FBXW11: variants seen among roughly 807,000 people sequenced by gnomAD.
FBXW11 encodes F-box/WD repeat-containing protein 11.
In FBXW11, 19 loss-of-function variants were observed where a neutral mutation model predicts 77.6. The ratio of observed to expected loss-of-function variants is 0.24; its 90% CI spans 0.17 to 0.36. The LOEUF is 0.36. FBXW11 is among the 10% of genes least tolerant of loss of function. FBXW11 has a pLI of 1.00. For missense variants in FBXW11, 334 were observed against 704.2 expected (o/e 0.47, Z 5.95); for synonymous variants, 235 against 249.4 (o/e 0.94, Z 0.54).
intron 1 of FBXW11, among the ~76,000 whole-genome samples, chr5:171,959,431 C>T (rs1025872841): frequency 2.6e-5 from 4 of 151,946 alleles, no homozygotes; most frequent in South Asian, 2.1e-4. Flanking sequence ...AGGTATTATT[C>T]CATTTTATGA....
chr5:171,868,906 A>C, intron 12 of FBXW11, 110 bp from the exon 13 acceptor site: 1 of 929,432 alleles, frequency 1.1e-6, no homozygotes, highest in Non-Finnish European at 1.6e-6. Context: ...CAGACTTCCT[A>C]AACGACTGTA....
chr5:171,961,659 T>C (rs1391571369), intron 1 of FBXW11, among the ~76,000 whole-genome samples: 1 of 151,976 alleles, frequency 6.6e-6, no homozygotes, highest in South Asian at 2.1e-4. Context: ...ATTTTTTTTT[T>C]CTTTTGAGAT....
At chr5:172,005,554 G>T (rs1444432581) in intron 1 of FBXW11, among the ~76,000 whole-genome samples, 1 of 152,158 alleles carries the variant, frequency 6.6e-6, no homozygotes, top group Non-Finnish European at 1.5e-5. Context: ...AGCTTCGGAG[G>T]AGGGTGGAGG....
chr5:171,931,504 C>T (rs188829102), intron 2 of FBXW11, among the ~76,000 whole-genome samples: 2 of 152,196 alleles, frequency 1.3e-5, no homozygotes, highest in African/African-American at 4.8e-5. Context: ...TCAGCTTACA[C>T]ATTTCACAAA....
chr5:171,894,404 T>G (rs926582493), intron 6 of FBXW11, among the ~76,000 whole-genome samples: 6 of 152,232 alleles, frequency 3.9e-5, no homozygotes, highest in African/African-American at 1.4e-4. Context: ...GTCAACCAAT[T>G]CTTGATGTGT....
intron 2 of FBXW11, among the ~76,000 whole-genome samples, chr5:171,938,761 A>G (rs1239665980): frequency 2.0e-5 from 3 of 152,246 alleles, no homozygotes; most frequent in Non-Finnish European, 2.9e-5. Flanking sequence ...CTACATGCTC[A>G]TACGAAAGAC....
chr5:171,893,421 C>CAAAAA (rs397999920), intron 6 of FBXW11, among the ~76,000 whole-genome samples: 462 of 39,798 alleles, frequency 0.012, 89 homozygotes, highest in Non-Finnish European at 0.015. Flanking sequence ...ACTTCAAAAC[C>CAAAAA]AAAAAAAAAA....
intron 1 of FBXW11, among the ~76,000 whole-genome samples, chr5:171,995,603 AAT>A (rs1277969245): frequency 3.3e-5 from 5 of 151,990 alleles, no homozygotes; most frequent in Admixed American, 3.3e-4. Flanking sequence ...AATACAAAAA[AAT>A]TAGCTGGGCG....
chr5:171,893,135 T>C (rs1056712671), intron 6 of FBXW11, among the ~76,000 whole-genome samples: 1 of 152,110 alleles, frequency 6.6e-6, no homozygotes, highest in East Asian at 1.9e-4. Context: ...GTTGGAGATA[T>C]CGATACACGT....
chr5:171,939,324 T>A (rs1335584587), intron 2 of FBXW11, among the ~76,000 whole-genome samples: 1 of 152,134 alleles, frequency 6.6e-6, no homozygotes, highest in Non-Finnish European at 1.5e-5. Context: ...TCATACTTAA[T>A]GGAAGAGGGT....
At chr5:171,873,094 T>A in intron 9 of FBXW11, 104 bp from the exon 10 acceptor site, 1 of 926,318 alleles carries the variant, frequency 1.1e-6, no homozygotes, top group Non-Finnish European at 1.6e-6. Context: ...CCCAAATATG[T>A]GATTATAAAA....
Position 171,946,049 on chromosome 5 carries a change from A to G in FBXW11, c.147+11548T>C, listed in dbSNP as rs1045431262. On this transcript the variant is annotated intron_variant, in intron 2 of 13. Coordinates refer to ENST00000517395, the MANE Select transcript of FBXW11 (RefSeq NM_001378974.1). The stretch of plus-strand genomic sequence containing the variant: ...TTTACAATCAGTAGACTTTGAGTCT[A>G]TTACCCACCATAATGTAGGTAAGCC... 8.5e-5 allele frequency among the ~76,000 whole-genome samples: 13 copies of G among 152,314 alleles called. No homozygotes were observed. In the South Asian group the frequency reaches 2.5e-3, roughly 29 times the overall value.
At chr5:171,907,091 C>T (rs1403356498) in intron 4 of FBXW11, among the ~76,000 whole-genome samples, 4 of 152,148 alleles carry the variant, frequency 2.6e-5, no homozygotes, top group Admixed American at 6.6e-5. Flanking sequence ...TCTTACAAAC[C>T]GCAAACTCAG....
chr5:171,884,523 G>T (rs1405457077), intron 7 of FBXW11, among the ~76,000 whole-genome samples: 2 of 152,088 alleles, frequency 1.3e-5, no homozygotes, highest in Non-Finnish European at 2.9e-5. Context: ...TGGCTACATG[G>T]GCTCTTTTTT....
rs184789814 is a variant in FBXW11, at chr5:171,882,345, G to A, written c.853-4216C>T. 3.9e-4 allele frequency among the ~76,000 whole-genome samples: 59 copies of A among 152,268 alleles called. 1 individual carries two copies. The highest frequency in any genetic ancestry group is 3.9e-3 in the Admixed American group (59 of 15,284). ...AGAGAAAGTCTCACACCGTCACTCA[G>A]GCTGAAATACAGTGACACAATCACA... is the stretch of plus-strand genomic sequence containing the variant. On this transcript the variant is annotated intron_variant, in intron 7 of 13. Transcript: ENST00000517395.
chr5:172,002,228 C>T (rs1766449934), intron 1 of FBXW11, among the ~76,000 whole-genome samples: 1 of 152,020 alleles, frequency 6.6e-6, no homozygotes, highest in African/African-American at 2.4e-5. Context: ...GGGCTAGCTC[C>T]CTATTTGCAG....
At chr5:171,972,501 A>T (rs1764590070) in intron 1 of FBXW11, among the ~76,000 whole-genome samples, 1 of 91,926 alleles carries the variant, frequency 1.1e-5, no homozygotes, top group Admixed American at 1.3e-4. Flanking sequence ...ACTCTGTCTC[A>T]TAAAAAAAAA....
intron 1 of FBXW11, among the ~76,000 whole-genome samples, chr5:171,989,696 A>C (rs919709757): frequency 1.3e-5 from 2 of 152,220 alleles, no homozygotes; most frequent in Non-Finnish European, 2.9e-5. Context: ...CAAGAAACAT[A>C]ACCAAATACA....
At chr5:171,983,757 A>G (rs774581334) in intron 1 of FBXW11, among the ~76,000 whole-genome samples, 1 of 152,158 alleles carries the variant, frequency 6.6e-6, no homozygotes, top group Non-Finnish European at 1.5e-5. Context: ...AGTATCTATT[A>G]AAGCTAAATA....
Sources: allele counts gnomAD v4.1 joint callset (sites outside exome capture counted in the v4.1 genomes callset), GRCh38; gene constraint gnomAD v4.1.1; transcripts MANE v1.5; gene names NCBI Gene and HGNC (gene_info 2026-07-23, HGNC 2026-07-21).